The following TRANK1 variants were observed in gnomAD, a reference collection of about 807,000 sequenced individuals.
TRANK1 encodes the protein TPR and ankyrin repeat-containing protein 1.
A neutral mutation model predicts 266.0 loss-of-function variants in TRANK1; 198 were observed. The ratio of observed to expected loss-of-function variants is 0.74; its 90% CI spans 0.66 to 0.84. The LOEUF (loss-of-function observed/expected upper bound fraction) is 0.84. Ranked by LOEUF, TRANK1 falls within the 40% of genes least tolerant of loss-of-function variation. TRANK1 has a pLI of 0.00. For missense variants in TRANK1, 3,326 were observed against 3,634.6 expected, an observed-to-expected ratio of 0.92 and a Z score of 2.18; for synonymous variants, 1,396 against 1,384.1, an observed-to-expected ratio of 1.01 and a Z score of -0.19.
chr3:36,879,373 A>G (rs567635531), intron 8 of TRANK1, among the ~76,000 whole-genome samples: 3 of 151,332 alleles, frequency 2.0e-5, no homozygotes, highest in Non-Finnish European at 4.4e-5. Flanking sequence ...AACTACAGAG[A>G]GCTTTTGTTT....
In TRANK1 at chr3:36,831,828, C is replaced by T. The variant is rs370288338; in HGVS notation, c.7755G>A (p.Leu2585=). 30 of 1,613,888 alleles carry T rather than the reference C, an allele frequency of 1.9e-5. No individual in the cohort carries two copies. In the African/African-American group the frequency reaches 2.1e-4, roughly 11 times the overall value. ...EILQPYCKPL[L]YRHFREIESR... ...ACTCAATCTCCCGGAAGTGGCGATACAGGAGAGGCTTGCAGTATGGCTGCA... is the reference window on the plus strand; with the variant it reads ...ACTCAATCTCCCGGAAGTGGCGATATAGGAGAGGCTTGCAGTATGGCTGCA... Residue 2585 remains leucine, a synonymous_variant, in exon 22 of 24, where the codon CTG becomes CTA. Transcript: ENST00000645898. The surrounding 1 kb of genome is among the most constrained non-coding windows in gnomAD (Gnocchi z 5.0).
Position 36,855,393 on chromosome 3 carries a change from G to C in TRANK1, c.4329C>G (p.Thr1443=). ...ELYGDEIQDF[T]QAELALLMKC... ...TCATCAGCAGCGCCAGCTCGGCCTG[G>C]GTAAAGTCTTGAATCTCATCACCAT... Residue 1443 remains threonine, a synonymous_variant, in exon 13 of 24, where the codon ACC becomes ACG. Transcript: ENST00000645898. The C allele has an allele frequency of 1.9e-6, 3 of 1,614,038 alleles. No individual in the cohort carries two copies. Among genetic ancestry groups the C allele is most frequent in the Non-Finnish European group, 2.5e-6 (3 of 1,179,906 alleles).
chr3:36,834,499 T>C (rs2078740165), intron 21 of TRANK1: 1 of 365,640 alleles, frequency 2.7e-6, no homozygotes, highest in Admixed American at 4.4e-5. Flanking sequence ...GAATACGTCA[T>C]TATATACACA....
chr3:36,867,523 G>A (rs1280252815), intron 9 of TRANK1, among the ~76,000 whole-genome samples: 2 of 152,320 alleles, frequency 1.3e-5, no homozygotes, highest in East Asian at 3.9e-4. Context: ...CTGACAAATG[G>A]TATCCCTTGG....
intron 1 of TRANK1, among the ~76,000 whole-genome samples, chr3:36,911,737 T>TA (rs572570552): frequency 1.9e-3 from 290 of 152,072 alleles, no homozygotes; most frequent in Non-Finnish European, 3.5e-3. Context: ...GTTGGGTCTT[T>TA]AAAAAAAAGA....
chr3:36,900,851 C>CAAAAAAAAAAAAA (rs138198488), intron 3 of TRANK1, among the ~76,000 whole-genome samples: 995 of 62,668 alleles, frequency 0.016, 128 homozygotes, highest in Non-Finnish European at 0.021. Flanking sequence ...GACCCTGTCT[C>CAAAAAAAAAAAAA]AAAAAAAAAA....
At chr3:36,916,244 A>C (rs867451040) in intron 1 of TRANK1, among the ~76,000 whole-genome samples, 3 of 152,294 alleles carry the variant, frequency 2.0e-5, no homozygotes, top group South Asian at 2.1e-4. Context: ...ACAGTAAAAC[A>C]CTAGAGGGTT....
At chr3:36,858,951 CG>C (rs2079096599) in intron 11 of TRANK1, 57 bp from the exon 12 acceptor site, 1 of 1,444,140 alleles carries the variant, frequency 6.9e-7, no homozygotes, top group Non-Finnish European at 9.1e-7. Flanking sequence ...GCTCGCCTGA[CG>C]AGAGAAGGAA....
chr3:36,933,307 G>T (rs1379963187), intron 1 of TRANK1, among the ~76,000 whole-genome samples: 1 of 152,284 alleles, frequency 6.6e-6, no homozygotes, highest in Non-Finnish European at 1.5e-5. Context: ...GTGCCCCTTT[G>T]TTCAGGTGTG....
intron 7 of TRANK1, among the ~76,000 whole-genome samples, chr3:36,890,715 C>A (rs1424976024): frequency 6.6e-6 from 1 of 152,172 alleles, no homozygotes; most frequent in Non-Finnish European, 1.5e-5. Context: ...GAATTCTTTT[C>A]CCAGACTCCT....
rs780350521 is a variant in TRANK1, at chr3:36,857,235, G to A, written c.2487C>T (p.Phe829=). Residue 829 remains phenylalanine (F), a synonymous_variant, in exon 13 of 24, where the codon TTC becomes TTT. Transcript: ENST00000645898. This position sits in a 1 kb window ranked among gnomAD's most constrained non-coding sequence, Gnocchi z 4.3. ...ACTCGATCTCCCAGGTCATGTTATC[G>A]AAGTCCTGGAGGCAGGCCTCAATCT... ...TQEIEACLQD[F]DNMTWEIECT... 2.8e-5 allele frequency: 45 copies of A among 1,613,378 alleles called. No homozygotes were observed. Among genetic ancestry groups the A allele is most frequent in the Non-Finnish European group, 3.5e-5 (41 of 1,179,578 alleles).
At chr3:36,915,979 T>C (rs1415824087) in intron 1 of TRANK1, among the ~76,000 whole-genome samples, 1 of 152,190 alleles carries the variant, frequency 6.6e-6, no homozygotes, top group Non-Finnish European at 1.5e-5. Flanking sequence ...AAGTAGATGA[T>C]GGATCTTGAA....
At chr3:36,900,578 G>C (rs1228074788) in intron 3 of TRANK1, among the ~76,000 whole-genome samples, 1 of 151,934 alleles carries the variant, frequency 6.6e-6, no homozygotes, top group African/African-American at 2.4e-5. Flanking sequence ...ACAATTTTCT[G>C]TCTCAGATAA....
Position 36,903,164 on chromosome 3 carries a change from A to C in TRANK1, c.267T>G (p.Asp89Glu). 5 of 1,537,282 alleles carry C rather than the reference A, an allele frequency of 3.3e-6. No individual in the cohort carries two copies. The highest frequency in any genetic ancestry group is 4.4e-6 in the Non-Finnish European group (5 of 1,146,884). The part of the protein sequence containing the change: ...FVAAKECLQW[D>E]PTYVKGYYRA... Reference sequence around the variant, plus strand: ...CACCCCATACCTTCACGTAGGTTGGATCCCATTGGAGACATTCCTTGGCAG... The same window carrying C: ...CACCCCATACCTTCACGTAGGTTGGCTCCCATTGGAGACATTCCTTGGCAG... Residue 89 changes from aspartate to glutamate, a missense_variant, in exon 3 of 24, where the codon GAT (aspartate) becomes GAG (glutamate). Transcript: ENST00000645898.
intron 2 of TRANK1, among the ~76,000 whole-genome samples, chr3:36,905,204 C>T (rs1009113843): frequency 2.6e-5 from 4 of 151,070 alleles, no homozygotes; most frequent in African/African-American, 9.8e-5. Flanking sequence ...AGGAGAATGG[C>T]GTGAACCCGG....
In TRANK1 at chr3:36,944,853, G is replaced by C. The variant is rs369270910; in HGVS notation, c.-44C>G. 2.1e-6 allele frequency: 3 copies of C among 1,440,182 alleles called. No homozygotes were observed. Among genetic ancestry groups the C allele is most frequent in the African/African-American group, 1.5e-5 (1 of 67,322 alleles). 89.2% of individuals were successfully genotyped at this position (1,440,182 alleles called of 1,614,324 possible). A position where few individuals can be genotyped will look rare whatever the true frequency, so the allele number is the denominator to read the frequency against. On this transcript the variant is annotated 5_prime_UTR_variant, in exon 1 of 24. Coordinates refer to ENST00000645898, the MANE Select transcript of TRANK1 (RefSeq NM_001329998.2). ...CGCACCAGGACCGCCGCCGCCTGGG[G>C]AAGCGCTTCCCTGTGGGCAGGGCGC...
Position 36,892,870 on chromosome 3 carries a change from TAG to T in TRANK1, c.636+29_636+30del, listed in dbSNP as rs201683001. On this transcript the variant is annotated intron_variant, in intron 6 of 23. Transcript: ENST00000645898. Reference sequence around the variant, plus strand: ...AACAAAACATATATATATATATATATAGATATATATAGATATATATATCACCT... The same window carrying T: ...AACAAAACATATATATATATATATATATATATATAGATATATATATCACCT... The T allele has an allele frequency of 1.5e-3, 939 of 646,580 alleles. 1 individual carries two copies. Among genetic ancestry groups the T allele is most frequent in the Middle Eastern group, 3.7e-3 (8 of 2,162 alleles). 40.1% of individuals were successfully genotyped at this position (646,580 alleles called of 1,614,324 possible). A position where few individuals can be genotyped will look rare whatever the true frequency, so the allele number is the denominator to read the frequency against.
At chr3:36,834,441 A>G in intron 21 of TRANK1, 1 of 247,300 alleles carries the variant, frequency 4.0e-6, no homozygotes, top group Non-Finnish European at 7.6e-6. Flanking sequence ...TTCCTGTGAG[A>G]TTAATGAGGC....
At position 36,855,090 on chromosome 3, in the gene TRANK1, C is replaced by T. The variant is rs900312922; in HGVS notation, c.4549+83G>A. On this transcript the variant is annotated intron_variant, in intron 13 of 23. Transcript: ENST00000645898. ...CCTTACTTCAGCTGTAAAAACCTAA[C>T]AAGAGCTAGTCTGCAGCTTCAAAGG... 4.8e-6 allele frequency: 6 copies of T among 1,258,606 alleles called. No individual in the cohort carries two copies. In the Admixed American group the frequency reaches 1.3e-4, roughly 26 times the overall value. 78.0% of individuals were successfully genotyped at this position (1,258,606 alleles called of 1,614,324 possible).
Sources: gnomAD v4.1 joint callset for allele counts (sites outside exome capture counted in the v4.1 genomes callset) on GRCh38, gnomAD v4.1.1 for gene constraint, Gnocchi (gnomAD v3.1) non-coding constraint, MANE v1.5 for transcripts, NCBI Gene and HGNC (gene_info 2026-07-23, HGNC 2026-07-21) for gene names.